Variants in SS18 observed in about 807,000 individuals in gnomAD.
SS18 encodes the protein protein SSXT.
Under a neutral mutation model 72.5 loss-of-function variants are expected in SS18, and 28 were observed. The observed-to-expected ratio is 0.39, with a 90% CI of 0.29 to 0.53. The LOEUF (loss-of-function observed/expected upper bound fraction) is 0.53. Among genes scored for constraint, SS18 ranks in the 20% least tolerant of loss-of-function variants. SS18 has a pLI of 0.76. For synonymous variants in SS18, 172 were observed against 164.2 expected (o/e 1.05, Z -0.37); for missense variants, 518 against 535.3 (o/e 0.97, Z 0.32).
At chr18:26,074,908 A>C (rs2054383688) in intron 3 of SS18, among the ~76,000 whole-genome samples, 2 of 151,950 alleles carry the variant, frequency 1.3e-5, no homozygotes, top group African/African-American at 4.8e-5. Context: ...TAAAAAGAAA[A>C]TTATCACTAC....
chr18:26,085,045 A>T (rs920202890), intron 2 of SS18, among the ~76,000 whole-genome samples: 3 of 152,222 alleles, frequency 2.0e-5, no homozygotes, highest in African/African-American at 7.2e-5. Context: ...AAATGTTTCT[A>T]AAAAACAATA....
chr18:26,023,176 GA>G (rs1567985945), intron 10 of SS18, among the ~76,000 whole-genome samples: 1 of 151,792 alleles, frequency 6.6e-6, no homozygotes, highest in Middle Eastern at 3.4e-3. Flanking sequence ...AAAGGACAGA[GA>G]AAAAAAACTG....
intron 2 of SS18, among the ~76,000 whole-genome samples, chr18:26,081,633 G>A (rs2054524806): frequency 1.3e-5 from 2 of 152,158 alleles, no homozygotes; most frequent in African/African-American, 4.8e-5. Context: ...CTGGACTCAG[G>A]TGACAATATT....
intron 10 of SS18, among the ~76,000 whole-genome samples, chr18:26,020,085 A>C (rs960849075): frequency 5.9e-5 from 9 of 152,184 alleles, no homozygotes; most frequent in Non-Finnish European, 1.2e-4. Flanking sequence ...AAAGGTTTAA[A>C]ATAAGAAAGT....
intron 10 of SS18, among the ~76,000 whole-genome samples, chr18:26,029,956 G>A (rs1424064049): frequency 1.3e-5 from 2 of 152,194 alleles, no homozygotes; most frequent in African/African-American, 4.8e-5. Context: ...GGAAGGAGAA[G>A]TGGTTGGCAA....
chr18:26,082,610 A>C, intron 2 of SS18: 1 of 658,062 alleles, frequency 1.5e-6, no homozygotes, highest in Non-Finnish European at 1.9e-6. Context: ...ACAGTGAATC[A>C]GTAACACATT....
chr18:26,082,981 T>A (rs899251600), intron 2 of SS18, among the ~76,000 whole-genome samples: 1 of 152,216 alleles, frequency 6.6e-6, no homozygotes, highest in Non-Finnish European at 1.5e-5. Flanking sequence ...TATTAACGTT[T>A]CTCTTTATTT....
intron 3 of SS18, among the ~76,000 whole-genome samples, 178 bp downstream of exon 3, chr18:26,077,898 G>A (rs2054445970): frequency 6.6e-6 from 1 of 152,076 alleles, no homozygotes; most frequent in African/African-American, 2.4e-5. Flanking sequence ...TCAATTTTAG[G>A]TGAATTCAAA....
intron 4 of SS18, among the ~76,000 whole-genome samples, chr18:26,057,328 T>C (rs2054038686): frequency 6.6e-6 from 1 of 152,214 alleles, no homozygotes; most frequent in African/African-American, 2.4e-5. Context: ...GCCAACTGTA[T>C]TGCAGTTTCA....
At position 26,078,081 on chromosome 18, in the gene SS18, G is replaced by C. The variant is rs560233338; in HGVS notation, c.226C>G (p.Pro76Ala). The change falls in exon 3 of 11, where the codon CCA becomes GCA. Residue 76 changes from proline to alanine, a missense_variant. Coordinates refer to ENST00000415083, the MANE Select transcript of SS18 (RefSeq NM_001007559.3). ...DSNQNMQSLL[P>A]APPTQNMPMG... ...ATGATTTTAAAGATACTTACTGCTG[G>C]TAAAAGAGACTGCATATTTTGATTA... 6.2e-7 allele frequency: 1 copy of C among 1,608,652 alleles called. No homozygotes were observed. Among genetic ancestry groups the C allele is most frequent in the Admixed American group, 1.7e-5 (1 of 59,832 alleles).
At chr18:26,065,100 C>T (rs1357591790) in intron 3 of SS18, among the ~76,000 whole-genome samples, 5 of 152,012 alleles carry the variant, frequency 3.3e-5, no homozygotes, top group Admixed American at 3.3e-4. Flanking sequence ...AAGGATATGC[C>T]ATCTTTGTTG....
chr18:26,020,376 G>C (rs2053327563), intron 10 of SS18, among the ~76,000 whole-genome samples: 1 of 152,124 alleles, frequency 6.6e-6, no homozygotes, highest in Admixed American at 6.5e-5. Flanking sequence ...ATAAATCAGT[G>C]ACTCTCAATG....
intron 5 of SS18, among the ~76,000 whole-genome samples, chr18:26,046,688 T>C (rs2053829779): frequency 6.6e-6 from 1 of 152,236 alleles, no homozygotes; most frequent in Admixed American, 6.5e-5. Flanking sequence ...TTTCATTTCT[T>C]TGTTGCACTT....
At chr18:26,085,701 G>A (rs2054603580) in intron 2 of SS18, among the ~76,000 whole-genome samples, 1 of 152,182 alleles carries the variant, frequency 6.6e-6, no homozygotes, top group African/African-American at 2.4e-5. Flanking sequence ...ACAGTGGCAT[G>A]TAAAAGGTGA....
At chr18:26,050,356 AAAT>A (rs1438729088) in intron 5 of SS18, among the ~76,000 whole-genome samples, 2 of 152,182 alleles carry the variant, frequency 1.3e-5, no homozygotes, top group Non-Finnish European at 2.9e-5. Flanking sequence ...AAATAAAAAT[AAAT>A]AATAATAAAC....
intron 2 of SS18, among the ~76,000 whole-genome samples, chr18:26,084,781 A>C (rs560356068): frequency 6.6e-6 from 1 of 152,292 alleles, no homozygotes; most frequent in South Asian, 2.1e-4. Context: ...ATATTTTTAA[A>C]AGACCCCCAG....
chr18:26,037,605 A>T (rs766115332), intron 7 of SS18, among the ~76,000 whole-genome samples: 15 of 152,184 alleles, frequency 9.9e-5, no homozygotes, highest in Admixed American at 3.9e-4. Context: ...AAATATCCTA[A>T]ATTGTATCTT....
At chr18:26,089,710 C>A (rs2054680648) in intron 1 of SS18, 1 of 152,244 alleles carries the variant, frequency 6.6e-6, no homozygotes, top group Non-Finnish European at 1.5e-5. Context: ...TGCAGCAGCT[C>A]TATCCTTTAA....
intron 10 of SS18, among the ~76,000 whole-genome samples, chr18:26,029,195 C>T (rs1260009692): frequency 6.6e-6 from 1 of 152,128 alleles, no homozygotes; most frequent in Admixed American, 6.5e-5. Flanking sequence ...TGAATGAGGG[C>T]AGCGAGTGGT....
Sources: allele counts gnomAD v4.1 joint callset (sites outside exome capture counted in the v4.1 genomes callset), GRCh38; gene constraint gnomAD v4.1.1; transcripts MANE v1.5; gene names NCBI Gene and HGNC (gene_info 2026-07-23, HGNC 2026-07-21).